ST7L: variants seen among roughly 807,000 people sequenced by gnomAD.
ST7L encodes suppression of tumorigenicity 7 like.
In ST7L, 57 loss-of-function variants were observed where a neutral mutation model predicts 72.5. That is an observed-to-expected ratio of 0.79 (90% CI 0.64 to 0.98). ST7L has a LOEUF of 0.98. ST7L is among the 50% of genes least tolerant of loss of function. ST7L has a pLI of 0.00. For synonymous variants in ST7L, 221 were observed against 240.9 expected (o/e 0.92, Z 0.77); for missense variants, 576 against 672.2 (o/e 0.86, Z 1.58).
Position 112,613,852 on chromosome 1 carries a change from G to A in ST7L, c.289-2849C>T, listed in dbSNP as rs557267676. On this transcript the variant is annotated intron_variant, in intron 2 of 14. Transcript: ENST00000358039. Reference sequence around the variant, plus strand: ...AAGCAATCCTCCCACCTCAGTCTCTGAAGTAGCTGGGACTACAGGAATGCG... The same window carrying A: ...AAGCAATCCTCCCACCTCAGTCTCTAAAGTAGCTGGGACTACAGGAATGCG... Among the ~76,000 whole-genome samples, 296 of 152,062 alleles carry A rather than the reference G, an allele frequency of 1.9e-3. 1 individual carries two copies. The highest frequency in any genetic ancestry group is 6.9e-3 in the African/African-American group (286 of 41,464).
rs1378180316 is a variant in ST7L, at chr1:112,618,901, C to A, written c.205+8G>T. 1.3e-6 allele frequency: 2 copies of A among 1,554,716 alleles called. No individual in the cohort carries two copies. Among genetic ancestry groups the A allele is most frequent in the Admixed American group, 3.9e-5 (2 of 51,168 alleles). On this transcript the variant is annotated splice_region_variant and intron_variant, in intron 1 of 14. Coordinates refer to ENST00000358039, the MANE Select transcript of ST7L (RefSeq NM_017744.5). ...CCCGCCCTGCCCCAGGAGGTCTGGT[C>A]CTCTCACCCGCTGCCAAATTCTCAC...
At chr1:112,580,084 G>A (rs1430931913) in intron 9 of ST7L, among the ~76,000 whole-genome samples, 1 of 152,148 alleles carries the variant, frequency 6.6e-6, no homozygotes, top group Non-Finnish European at 1.5e-5. Context: ...AACTTCCCAA[G>A]TCATGGGGAT....
chr1:112,617,878 G>A, intron 1 of ST7L: 1 of 618,944 alleles, frequency 1.6e-6, no homozygotes, highest in South Asian at 1.9e-5. Context: ...CCACCGTTAA[G>A]CACTTCATTC....
At chr1:112,576,076 G>A (rs1450724909) in intron 11 of ST7L, among the ~76,000 whole-genome samples, 1 of 151,902 alleles carries the variant, frequency 6.6e-6, no homozygotes, top group Admixed American at 6.6e-5. Flanking sequence ...CCTAACATGG[G>A]GCATTGTTTG....
At chr1:112,570,682 T>TTCC (rs1329912007) in intron 11 of ST7L, 3 of 451,068 alleles carry the variant, frequency 6.7e-6, no homozygotes, top group African/African-American at 6.0e-5. Context: ...GTTTGCTTGC[T>TTCC]TCCAGCTGAC....
intron 11 of ST7L, among the ~76,000 whole-genome samples, chr1:112,561,544 G>A (rs943473276): frequency 6.6e-6 from 1 of 151,908 alleles, no homozygotes; most frequent in African/African-American, 2.4e-5. Flanking sequence ...GCAATGGCGT[G>A]ATCTCGGCTC....
chr1:112,618,634 T>G lies in ST7L; in HGVS notation c.205+275A>C, dbSNP rs143919103. 455 of 576,296 alleles carry G rather than the reference T, an allele frequency of 7.9e-4. 1 individual carries two copies. In the African/African-American group the frequency reaches 7.9e-3, roughly 10 times the overall value. 35.7% of individuals were successfully genotyped at this position (576,296 alleles called of 1,614,324 possible). On this transcript the variant is annotated intron_variant, in intron 1 of 14. Coordinates refer to ENST00000358039, the MANE Select transcript of ST7L (RefSeq NM_017744.5). The stretch of plus-strand genomic sequence containing the variant: ...TGAGACACTCTTCTGTCCTAATACC[T>G]GAAGCTTATAGCTTGTCAGGTGGCT...
Position 112,600,829 on chromosome 1 carries a change from G to T in ST7L, c.471C>A (p.Asn157Lys). 3 of 1,610,222 alleles carry T rather than the reference G, an allele frequency of 1.9e-6. No homozygotes were observed. The highest frequency in any genetic ancestry group is 2.5e-6 in the Non-Finnish European group (3 of 1,177,858). ...CTGCTCCTCTGAAAAGATTTAGAGG[G>T]TTTCTCCATACCTTACATTCTGAAA... Reference protein sequence around the residue: ...QNLSECKVWRNPLNLFRGAEY... With the variant: ...QNLSECKVWRKPLNLFRGAEY... The change falls in exon 4 of 15, where the codon AAC (asparagine) becomes AAA (lysine). Residue 157 changes from asparagine (N) to lysine (K), a missense_variant. Coordinates refer to ENST00000358039, the MANE Select transcript of ST7L (RefSeq NM_017744.5).
intron 14 of ST7L, among the ~76,000 whole-genome samples, chr1:112,533,235 C>T (rs114929859): frequency 0.02 from 3,059 of 152,168 alleles, 102 homozygotes; most frequent in African/African-American, 0.069. Flanking sequence ...AATGACCAAG[C>T]GGCATTCTTT....
intron 5 of ST7L, among the ~76,000 whole-genome samples, chr1:112,595,530 C>T (rs1385381888): frequency 6.6e-6 from 1 of 152,068 alleles, no homozygotes; most frequent in Non-Finnish European, 1.5e-5. Flanking sequence ...AAGAGATCCA[C>T]CCACCTCAGC....
chr1:112,602,083 C>CAAAAAAAAA (rs71584754), intron 3 of ST7L, among the ~76,000 whole-genome samples: 11 of 89,026 alleles, frequency 1.2e-4, no homozygotes, highest in African/African-American at 2.4e-4. Context: ...AAACTCCATC[C>CAAAAAAAAA]AAAAAAAAAA....
At chr1:112,556,328 A>G (rs1659112721) in intron 11 of ST7L, among the ~76,000 whole-genome samples, 1 of 152,230 alleles carries the variant, frequency 6.6e-6, no homozygotes, top group South Asian at 2.1e-4. Context: ...TTTTCCAAAA[A>G]GGAATTAAAT....
intron 11 of ST7L, among the ~76,000 whole-genome samples, chr1:112,572,374 TCTC>T (rs1156290018): frequency 1.3e-5 from 2 of 152,184 alleles, no homozygotes; most frequent in Admixed American, 6.5e-5. Flanking sequence ...AGGAACAACT[TCTC>T]CTCTCTAGCT....
At chr1:112,536,049 G>A (rs546080596) in intron 14 of ST7L, among the ~76,000 whole-genome samples, 2 of 152,092 alleles carry the variant, frequency 1.3e-5, no homozygotes, top group African/African-American at 4.8e-5. Context: ...CACACAATAG[G>A]TTTATTTTAT....
At chr1:112,520,013 A>G (rs1652776542), downstream of ST7L, among the ~76,000 whole-genome samples, 1 of 151,814 alleles carries the variant, frequency 6.6e-6, no homozygotes, top group African/African-American at 2.4e-5. Flanking sequence ...CTAGGACTAC[A>G]GGCTCATGCC....
chr1:112,591,495 A>C, intron 6 of ST7L, 30 bp downstream of exon 6: 7 of 1,584,860 alleles, frequency 4.4e-6, no homozygotes, highest in Non-Finnish European at 6.0e-6. Flanking sequence ...CCTTCAAAAT[A>C]AATTTATTTT....
intron 6 of ST7L, among the ~76,000 whole-genome samples, chr1:112,584,792 A>C (rs1350270271): frequency 6.6e-6 from 1 of 152,146 alleles, no homozygotes; most frequent in African/African-American, 2.4e-5. Context: ...CCGGTTGATC[A>C]TACCTGCTTT....
chr1:112,617,062 T>C, intron 1 of ST7L, 167 bp from the exon 2 acceptor site: 1 of 417,772 alleles, frequency 2.4e-6, no homozygotes, highest in Non-Finnish European at 4.3e-6. Context: ...CATAATGGCT[T>C]ATCACTATTT....
At chr1:112,616,213 T>C (rs557011394) in intron 2 of ST7L, among the ~76,000 whole-genome samples, 1 of 152,352 alleles carries the variant, frequency 6.6e-6, no homozygotes, top group South Asian at 2.1e-4. Context: ...TCACTCATTT[T>C]TGTTACCAAC....
Sources: allele counts gnomAD v4.1 joint callset (sites outside exome capture counted in the v4.1 genomes callset), GRCh38; gene constraint gnomAD v4.1.1; transcripts MANE v1.5; gene names NCBI Gene and HGNC (gene_info 2026-07-23, HGNC 2026-07-21).